PCDH15: variants seen among roughly 807,000 people sequenced by gnomAD.
PCDH15 encodes the protein protocadherin-15.
PCDH15 carries 129 observed loss-of-function variants against 178.5 expected under a neutral mutation model. The observed-to-expected ratio is 0.72, with a 90% confidence interval of 0.63 to 0.84. The LOEUF (loss-of-function observed/expected upper bound fraction) is 0.84. Among genes scored for constraint, PCDH15 ranks in the 40% least tolerant of loss-of-function variants. PCDH15 has a pLI of 0.00. For synonymous variants in PCDH15, 800 were observed against 732.0 expected (o/e 1.09, Z -1.50); for missense variants, 2,230 against 2,099.9 (o/e 1.06, Z -1.21).
At chr10:55,529,664 T>C (rs1250242118) in intron 2 of PCDH15, among the ~76,000 whole-genome samples, 1 of 148,806 alleles carries the variant, frequency 6.7e-6, no homozygotes, top group Non-Finnish European at 1.5e-5. Flanking sequence ...TTTACTAATA[T>C]TGGCATAAAT....
At chr10:55,491,060 T>C (rs1201306417) in intron 2 of PCDH15, among the ~76,000 whole-genome samples, 2 of 151,770 alleles carry the variant, frequency 1.3e-5, no homozygotes, top group African/African-American at 4.8e-5. Flanking sequence ...GGAAAAATGT[T>C]TGCTCAAAAG....
intron 1 of PCDH15, among the ~76,000 whole-genome samples, chr10:54,727,169 A>G (rs1942670914): frequency 1.3e-5 from 2 of 151,284 alleles, no homozygotes; most frequent in African/African-American, 2.4e-5. Context: ...CACATGGTAC[A>G]CTAAAATCAA....
At chr10:54,350,022 A>T (rs1034632185) in intron 5 of PCDH15, among the ~76,000 whole-genome samples, 2 of 152,202 alleles carry the variant, frequency 1.3e-5, no homozygotes, top group African/African-American at 4.8e-5. Flanking sequence ...AGAAAATAAA[A>T]GAGAAACAAT....
intron 2 of PCDH15, among the ~76,000 whole-genome samples, chr10:55,372,168 G>T (rs1487544465): frequency 1.1e-4 from 16 of 152,018 alleles, no homozygotes; most frequent in Admixed American, 9.2e-4. Flanking sequence ...AAAATGTATA[G>T]GGCACATATT....
At chr10:54,285,447 T>A (rs1399374745) in intron 8 of PCDH15, among the ~76,000 whole-genome samples, 1 of 151,876 alleles carries the variant, frequency 6.6e-6, no homozygotes, top group Non-Finnish European at 1.5e-5. Flanking sequence ...AAAGAAGACA[T>A]CAAAATAGCC....
chr10:54,648,138 G>A (rs2094172690), intron 2 of PCDH15, among the ~76,000 whole-genome samples: 1 of 151,950 alleles, frequency 6.6e-6, no homozygotes, highest in Non-Finnish European at 1.5e-5. Context: ...ATTCCAAGGG[G>A]TTCCTCTGAT....
At chr10:55,445,489 A>T (rs770557945) in intron 2 of PCDH15, among the ~76,000 whole-genome samples, 43 of 152,256 alleles carry the variant, frequency 2.8e-4, no homozygotes, top group Non-Finnish European at 5.4e-4. Flanking sequence ...AAGAAATATT[A>T]ATAGTAGTAA....
intron 3 of PCDH15, among the ~76,000 whole-genome samples, chr10:54,477,919 C>T (rs2078400090): frequency 6.6e-6 from 1 of 152,168 alleles, no homozygotes; most frequent in African/African-American, 2.4e-5. Flanking sequence ...AAATGAAATA[C>T]TTACTTGGCA....
chr10:54,737,030 A>C (rs942547351), intron 1 of PCDH15, among the ~76,000 whole-genome samples: 1 of 152,210 alleles, frequency 6.6e-6, no homozygotes, highest in East Asian at 1.9e-4. Context: ...TTCCTGTACA[A>C]ATGGATTGCA....
At chr10:54,054,942 T>C (rs753658667) in intron 18 of PCDH15, among the ~76,000 whole-genome samples, 4 of 152,258 alleles carry the variant, frequency 2.6e-5, no homozygotes, top group Middle Eastern at 3.4e-3. Flanking sequence ...TTAGGCACTG[T>C]TGAGTGTCAT....
chr10:54,853,318 T>TATATATATATATATATATATAC (rs1194965974), intron 3 of PCDH15, among the ~76,000 whole-genome samples: 1 of 102,054 alleles, frequency 9.8e-6, no homozygotes, highest in Non-Finnish European at 1.8e-5. Context: ...TATATATATA[T>TATATATATATATATATATATAC]ACATACACAC....
At chr10:54,997,544 A>G (rs1026241019) in intron 2 of PCDH15, among the ~76,000 whole-genome samples, 2 of 152,214 alleles carry the variant, frequency 1.3e-5, no homozygotes, top group African/African-American at 4.8e-5. Flanking sequence ...AGTTCGGCAC[A>G]GAAGGCTATA....
At chr10:54,465,079 C>T (rs1001218681) in intron 3 of PCDH15, among the ~76,000 whole-genome samples, 2 of 152,154 alleles carry the variant, frequency 1.3e-5, no homozygotes, top group South Asian at 4.1e-4. Context: ...AATAAAGTTT[C>T]ACTTTTAATA....
intron 2 of PCDH15, among the ~76,000 whole-genome samples, chr10:54,537,814 T>A (rs922583226): frequency 6.6e-6 from 1 of 152,140 alleles, no homozygotes; most frequent in Non-Finnish European, 1.5e-5. Flanking sequence ...GCATTTTGAC[T>A]GGTGTGAGGT....
chr10:54,148,084 TAA>T (rs2133269363), intron 14 of PCDH15, among the ~76,000 whole-genome samples: 1 of 152,202 alleles, frequency 6.6e-6, no homozygotes, highest in South Asian at 2.1e-4. Flanking sequence ...GTATGCTCAA[TAA>T]GTATTATCAA....
At chr10:54,934,075 T>A (rs528497503) in intron 2 of PCDH15, among the ~76,000 whole-genome samples, 2 of 152,296 alleles carry the variant, frequency 1.3e-5, no homozygotes, top group South Asian at 4.1e-4. Flanking sequence ...ACGTCATGTA[T>A]ATAAACTCCA....
intron 2 of PCDH15, among the ~76,000 whole-genome samples, chr10:55,537,336 A>T (rs922584639): frequency 6.6e-6 from 1 of 152,096 alleles, no homozygotes; most frequent in Non-Finnish European, 1.5e-5. Context: ...TATTTGCTAC[A>T]TTTCATTCTA....
chr10:54,992,418 G>A (rs531740010), intron 2 of PCDH15, among the ~76,000 whole-genome samples: 2 of 152,144 alleles, frequency 1.3e-5, no homozygotes, highest in East Asian at 1.9e-4. Context: ...AACCAGACCC[G>A]CCCTCAGCAA....
At chr10:54,573,981 T>G (rs1463604411) in intron 2 of PCDH15, among the ~76,000 whole-genome samples, 1 of 152,208 alleles carries the variant, frequency 6.6e-6, no homozygotes, top group African/African-American at 2.4e-5. Context: ...AGGTTGCCTG[T>G]TCACTCTGAT....
Sources: allele counts gnomAD v4.1 joint callset (sites outside exome capture counted in the v4.1 genomes callset), GRCh38; gene constraint gnomAD v4.1.1; transcripts MANE v1.5; gene names NCBI Gene and HGNC (gene_info 2026-07-23, HGNC 2026-07-21).